The following DLGAP2 variants were observed in gnomAD, a reference collection of about 807,000 sequenced individuals.
The protein encoded by DLGAP2 is DLG associated protein 2.
A neutral mutation model predicts 100.3 loss-of-function variants in DLGAP2; 26 were observed. That is an observed-to-expected ratio of 0.26 (90% CI 0.19 to 0.36). The LOEUF (loss-of-function observed/expected upper bound fraction) is 0.36, where lower values mean the gene tolerates loss of function less well. Ranked by LOEUF, DLGAP2 falls within the 10% of genes least tolerant of loss-of-function variation. DLGAP2 has a pLI of 1.00. For synonymous variants in DLGAP2, 886 were observed against 630.1 expected, an observed-to-expected ratio of 1.41 and a Z score of -6.08; for missense variants, 1,858 against 1,453.2, an observed-to-expected ratio of 1.28 and a Z score of -4.53.
At chr8:1,346,160 T>C (rs1386578153) in intron 3 of DLGAP2, among the ~76,000 whole-genome samples, 1 of 152,158 alleles carries the variant, frequency 6.6e-6, no homozygotes, top group African/African-American at 2.4e-5. Context: ...GCTCTGATGG[T>C]AACTGTGTGG....
At chr8:896,869 T>G (rs1250827902) in intron 1 of DLGAP2, among the ~76,000 whole-genome samples, 1 of 152,222 alleles carries the variant, frequency 6.6e-6, no homozygotes, top group Non-Finnish European at 1.5e-5. Flanking sequence ...TGTCTCTTAA[T>G]GAATTGATGA....
At chr8:1,696,226 G>A (rs1323105775) in intron 13 of DLGAP2, among the ~76,000 whole-genome samples, 1 of 152,202 alleles carries the variant, frequency 6.6e-6, no homozygotes, top group Non-Finnish European at 1.5e-5. Context: ...AGCAAGCCGG[G>A]CACGGTGGCT....
At chr8:788,882 G>C (rs1464420953) in intron 1 of DLGAP2, among the ~76,000 whole-genome samples, 1 of 152,156 alleles carries the variant, frequency 6.6e-6, no homozygotes, top group Non-Finnish European at 1.5e-5. Flanking sequence ...TGGTGATGCA[G>C]CGTTTTCCTG....
chr8:1,615,433 A>G (rs1797118075), intron 6 of DLGAP2, among the ~76,000 whole-genome samples: 1 of 152,238 alleles, frequency 6.6e-6, no homozygotes. Context: ...ACCCACCTGC[A>G]AGGAAAAAAC....
chr8:1,365,980 C>G (rs541305869), intron 3 of DLGAP2, among the ~76,000 whole-genome samples: 1 of 152,328 alleles, frequency 6.6e-6, no homozygotes, highest in East Asian at 1.9e-4. Context: ...GTCCATCATC[C>G]TTGGGAAACC....
At chr8:1,389,398 A>C (rs1430138584) in intron 3 of DLGAP2, among the ~76,000 whole-genome samples, 1 of 151,942 alleles carries the variant, frequency 6.6e-6, no homozygotes, top group Non-Finnish European at 1.5e-5. Flanking sequence ...GAGGTCAGAG[A>C]AAGTGGCGAA....
At chr8:818,131 C>T (rs1422924295) in intron 1 of DLGAP2, among the ~76,000 whole-genome samples, 1 of 152,128 alleles carries the variant, frequency 6.6e-6, no homozygotes, top group Non-Finnish European at 1.5e-5. Flanking sequence ...GGGGCAGGGA[C>T]AGGCATGTCT....
intron 1 of DLGAP2, among the ~76,000 whole-genome samples, chr8:760,008 A>G (rs1821040095): frequency 6.6e-6 from 1 of 152,238 alleles, no homozygotes; most frequent in Non-Finnish European, 1.5e-5. Context: ...TTTAGTAATC[A>G]GAGTTAATTT....
At chr8:744,731 C>T (rs764009110) in intron 1 of DLGAP2, among the ~76,000 whole-genome samples, 12 of 152,246 alleles carry the variant, frequency 7.9e-5, no homozygotes, top group Non-Finnish European at 1.8e-4. Flanking sequence ...CGGTCACTCC[C>T]TGTTCCCTGC....
At chr8:981,407 A>C (rs1584944629) in intron 2 of DLGAP2, among the ~76,000 whole-genome samples, 1 of 152,118 alleles carries the variant, frequency 6.6e-6, no homozygotes, top group Admixed American at 6.5e-5. Context: ...CCCAGTGTCC[A>C]CTTGAGTCTC....
intron 3 of DLGAP2, among the ~76,000 whole-genome samples, chr8:1,351,641 G>A (rs548236980): frequency 5.8e-5 from 4 of 68,842 alleles, no homozygotes; most frequent in African/African-American, 1.4e-4. Flanking sequence ...CTGAGTGTGC[G>A]TGGAAAGGCC....
At chr8:916,578 G>A (rs1200298489) in intron 2 of DLGAP2, among the ~76,000 whole-genome samples, 1 of 152,122 alleles carries the variant, frequency 6.6e-6, no homozygotes. Context: ...AATGGGTGCA[G>A]CACACCAACA....
At position 1,668,410 on chromosome 8, in the gene DLGAP2, C is replaced by T. The variant is rs762702813; in HGVS notation, c.1892C>T (p.Ala631Val). ...TTSKPLISVT[A>V]QSSTESTQDA... ...TCCAAGCCTCTGATCTCGGTGACGG[C>T]GCAGAGCAGCACCGAATCCACCCAG... Residue 631 changes from alanine to valine, a missense_variant, in exon 9 of 15, where the codon GCG becomes GTG. Transcript: ENST00000637795. The T allele has an allele frequency of 6.9e-6, 11 of 1,603,830 alleles. 1 individual carries two copies. Among genetic ancestry groups the T allele is most frequent in the African/African-American group, 2.7e-5 (2 of 74,622 alleles).
At chr8:1,453,246 G>A (rs2130119871) in intron 3 of DLGAP2, among the ~76,000 whole-genome samples, 1 of 152,244 alleles carries the variant, frequency 6.6e-6, no homozygotes, top group South Asian at 2.1e-4. Flanking sequence ...GACGGGAATG[G>A]GCCGTGCTGG....
chr8:1,448,092 T>C (rs1298751370), intron 3 of DLGAP2, among the ~76,000 whole-genome samples: 2 of 152,232 alleles, frequency 1.3e-5, no homozygotes, highest in Non-Finnish European at 2.9e-5. Flanking sequence ...TTCCTTCAGT[T>C]CTGCTCTGAT....
chr8:1,678,518 C>T lies in DLGAP2; in HGVS notation c.2593C>T (p.Arg865Cys), dbSNP rs752287633. Reference protein sequence around the residue: ...TVETGRMSPCRRDGSWFLKLL... With the variant: ...TVETGRMSPCCRDGSWFLKLL... ...AGAGACTGGGAGGATGTCTCCGTGCCGCAGGGATGGCTCGTGGTTTTTGAA... is the reference window on the plus strand; with the variant it reads ...AGAGACTGGGAGGATGTCTCCGTGCTGCAGGGATGGCTCGTGGTTTTTGAA... The change falls in exon 12 of 15, where the codon CGC becomes TGC. Residue 865 changes from arginine to cysteine, a missense_variant. By Grantham distance (180) the Arg-to-Cys change is radical. Coordinates refer to ENST00000637795, the MANE Select transcript of DLGAP2 (RefSeq NM_001346810.2). 6.8e-6 allele frequency: 11 copies of T among 1,607,698 alleles called. No homozygotes were observed. Among genetic ancestry groups the T allele is most frequent in the East Asian group, 4.5e-5 (2 of 44,574 alleles).
intron 2 of DLGAP2, among the ~76,000 whole-genome samples, chr8:1,112,725 G>C (rs1465100002): frequency 1.3e-5 from 2 of 152,162 alleles, no homozygotes; most frequent in South Asian, 4.1e-4. Flanking sequence ...AGTTTAATTG[G>C]ATCCCATTTG....
chr8:1,586,354 A>T (rs1796118963), intron 6 of DLGAP2, among the ~76,000 whole-genome samples: 2 of 152,210 alleles, frequency 1.3e-5, no homozygotes, highest in Admixed American at 1.3e-4. Flanking sequence ...GGGATGTGTT[A>T]GCTCTGGCCC....
rs560027328 is a variant in DLGAP2 at position 825,929 on chromosome 8, G to T, written c.19-81983G>T. Among the ~76,000 whole-genome samples, 4 of 152,284 alleles carry T rather than the reference G, an allele frequency of 2.6e-5. No homozygotes were observed. In the South Asian group the frequency reaches 8.3e-4, roughly 32 times the overall value. On this transcript the variant is annotated intron_variant, in intron 1 of 14. Coordinates refer to ENST00000637795, the MANE Select transcript of DLGAP2 (RefSeq NM_001346810.2). The stretch of plus-strand genomic sequence containing the variant: ...CACCCTGATGTGGCATCAAATACTA[G>T]ATTGTATTCATTCTATCTGACTATA...
Sources: allele counts gnomAD v4.1 joint callset (sites outside exome capture counted in the v4.1 genomes callset), GRCh38; gene constraint gnomAD v4.1.1; transcripts MANE v1.5; gene names NCBI Gene and HGNC (gene_info 2026-07-23, HGNC 2026-07-21).